WASHC2C: variants seen among roughly 807,000 people sequenced by gnomAD.
WASHC2C encodes Vaccinia Penetration Factor.
In WASHC2C, 73 loss-of-function variants were observed where a neutral mutation model predicts 142.2. That is an observed-to-expected ratio of 0.51 (90% CI 0.43 to 0.62). WASHC2C has a LOEUF of 0.62. Ranked by LOEUF, WASHC2C falls within the 20% of genes least tolerant of loss-of-function variation. WASHC2C has a pLI of 0.00. For synonymous variants in WASHC2C, 337 were observed against 565.5 expected (o/e 0.60, Z 5.73); for missense variants, 969 against 1,531.7 (o/e 0.63, Z 6.13).
intron 8 of WASHC2C, among the ~76,000 whole-genome samples, chr10:45,748,783 G>A (rs1343180778): frequency 1.3e-5 from 2 of 152,048 alleles, no homozygotes; most frequent in Non-Finnish European, 2.9e-5. Flanking sequence ...ATACATAGTA[G>A]TGTGTACCTT....
intron 8 of WASHC2C, among the ~76,000 whole-genome samples, chr10:45,749,245 C>T (rs34183466): frequency 1.3e-5 from 2 of 151,678 alleles, no homozygotes; most frequent in Non-Finnish European, 2.9e-5. Flanking sequence ...GACCAGCCTG[C>T]CCAACATGGT....
chr10:45,743,528 T>C lies in WASHC2C; in HGVS notation c.622+45T>C, dbSNP rs369067302. The C allele has an allele frequency of 1.4e-4, 223 of 1,599,952 alleles. 2 individuals carry two copies. The African/African-American group carries it at 2.8e-3, about 20-fold the overall frequency. On this transcript the variant is annotated intron_variant, in intron 6 of 30. Transcript: ENST00000623400. The stretch of plus-strand genomic sequence containing the variant: ...AATTTTATTCCTTAACATTTCTTTT[T>C]TATTTTAAAATAATTTCAAATTTTA...
chr10:45,784,394 T>A (rs1158318606), intron 23 of WASHC2C, among the ~76,000 whole-genome samples, 171 bp from the exon 24 acceptor site: 5 of 142,532 alleles, frequency 3.5e-5, no homozygotes, highest in Non-Finnish European at 7.6e-5. Flanking sequence ...AGCATTCCAT[T>A]TTGTCAATGT....
At position 45,727,441 on chromosome 10, in the gene WASHC2C, G is replaced by C. The variant is rs752355779; in HGVS notation, c.28G>C (p.Glu10Gln). The change falls in exon 2 of 31, where the codon GAG (glutamate) becomes CAG (glutamine). Residue 10 changes from glutamate (E) to glutamine (Q), a missense_variant. Transcript: ENST00000623400. ...GATGAACCGGACGACCCCCGACCAG[G>C]AGCTGGTGCCGGCGTCGGAGCCCGT... is the stretch of plus-strand genomic sequence containing the variant. The part of the protein sequence containing the change: MMNRTTPDQ[E>Q]LVPASEPVWE... 1 of 1,611,342 alleles carries C rather than the reference G, an allele frequency of 6.2e-7. No homozygotes were observed. The highest frequency in any genetic ancestry group is 1.3e-5 in the African/African-American group (1 of 74,858).
intron 23 of WASHC2C, among the ~76,000 whole-genome samples, chr10:45,783,848 A>G (rs1450595686): frequency 3.3e-5 from 5 of 152,186 alleles, no homozygotes; most frequent in Admixed American, 3.3e-4. Context: ...TTATCAAACC[A>G]ATAATGTTGA....
chr10:45,728,222 G>T (rs1301617975), intron 2 of WASHC2C, among the ~76,000 whole-genome samples: 1 of 152,056 alleles, frequency 6.6e-6, no homozygotes, highest in African/African-American at 2.4e-5. Flanking sequence ...AGAGATGGGG[G>T]TCTTGCTATG....
intron 20 of WASHC2C, chr10:45,771,894 C>T (rs2056623989): frequency 1.3e-6 from 1 of 785,544 alleles, no homozygotes; most frequent in African/African-American, 1.9e-5. Context: ...AGTTTCATTC[C>T]TATGTATATA....
At chr10:45,768,227 G>A (rs1207356500) in intron 19 of WASHC2C, among the ~76,000 whole-genome samples, 11 of 104,710 alleles carry the variant, frequency 1.1e-4, no homozygotes, top group Middle Eastern at 6.3e-3. Flanking sequence ...ACTCTGTCTC[G>A]AAAAAGGAAA....
chr10:45,785,214 G>A (rs1428185657), intron 25 of WASHC2C, among the ~76,000 whole-genome samples: 1 of 152,108 alleles, frequency 6.6e-6, no homozygotes, highest in Admixed American at 6.5e-5. Flanking sequence ...CTAAATATTC[G>A]TGCCTTTCAG....
At position 45,752,186 on chromosome 10, in the gene WASHC2C, T is replaced by G. The variant is rs373594541; in HGVS notation, c.1004-402T>G. On this transcript the variant is annotated intron_variant, in intron 11 of 30. Transcript: ENST00000623400. ...CCAGGCCTTTTCCTGCAAACAGCCA[T>G]GTCGATTACATTAGACTTGTCCCTG... 6.6e-5 allele frequency among the ~76,000 whole-genome samples: 10 copies of G among 152,364 alleles called. 1 individual carries two copies. In the East Asian group the frequency reaches 1.2e-3, roughly 18 times the overall value.
chr10:45,789,619 A>T, intron 29 of WASHC2C, 128 bp downstream of exon 29: 1 of 1,471,672 alleles, frequency 6.8e-7, no homozygotes, highest in African/African-American at 1.4e-5. Context: ...TAGTAATTAT[A>T]ATTAGGCTCT....
intron 10 of WASHC2C, 137 bp from the exon 11 acceptor site, chr10:45,751,345 G>T (rs1162537305): frequency 6.4e-6 from 7 of 1,091,910 alleles, no homozygotes; most frequent in South Asian, 1.5e-5. Flanking sequence ...GGAGTTCAGT[G>T]CTCTGGTGCA....
chr10:45,742,092 G>A (rs1323900637), intron 5 of WASHC2C, among the ~76,000 whole-genome samples: 5 of 151,512 alleles, frequency 3.3e-5, no homozygotes, highest in East Asian at 1.9e-4. Flanking sequence ...TACTGCAACC[G>A]ACCAACCCTA....
At chr10:45,765,471 G>A (rs1253221134) in intron 18 of WASHC2C, among the ~76,000 whole-genome samples, 3 of 148,528 alleles carry the variant, frequency 2.0e-5, no homozygotes, top group Non-Finnish European at 4.5e-5. Flanking sequence ...TTCTGCCTTC[G>A]AGTTCTATGG....
chr10:45,777,453 T>C, intron 22 of WASHC2C, 28 bp downstream of exon 22: 2 of 1,611,902 alleles, frequency 1.2e-6, no homozygotes, highest in Non-Finnish European at 1.7e-6. Flanking sequence ...TATACTTGAA[T>C]GCATTTGTCT....
rs782778449 is a variant in WASHC2C, at chr10:45,752,625, C to T, written c.1041C>T (p.Thr347=). ...EDNLFAPPKL[T]DEDFSPFGSG... is the part of the protein sequence containing the mutation. ...ACTTATTCGCACCCCCCAAGCTGAC[C>T]GACGAGGACTTCTCGCCATTTGGCT... is the stretch of plus-strand genomic sequence containing the variant. The change falls in exon 12 of 31, where the codon ACC becomes ACT. Residue 347 remains threonine (T), a synonymous_variant. Transcript: ENST00000623400. 18 of 1,609,666 alleles carry T rather than the reference C, an allele frequency of 1.1e-5. No homozygotes were observed. The highest frequency in any genetic ancestry group is 1.7e-5 in the Admixed American group (1 of 59,912).
At chr10:45,779,757 TG>T (rs1397742194) in intron 23 of WASHC2C, among the ~76,000 whole-genome samples, 1 of 151,986 alleles carries the variant, frequency 6.6e-6, no homozygotes, top group Non-Finnish European at 1.5e-5. Context: ...GAGGCCAAGG[TG>T]GGTGGATCAC....
intron 19 of WASHC2C, among the ~76,000 whole-genome samples, chr10:45,769,187 C>G (rs1407508979): frequency 6.6e-6 from 1 of 151,894 alleles, no homozygotes. Context: ...GCACGATCTC[C>G]GTTCACTGCA....
intron 18 of WASHC2C, among the ~76,000 whole-genome samples, chr10:45,764,612 C>T (rs2055562842): frequency 1.3e-5 from 2 of 151,968 alleles, no homozygotes; most frequent in South Asian, 4.2e-4. Context: ...AACCTTAACT[C>T]TCATGCAGTA....
Sources: gnomAD v4.1 joint callset for allele counts (sites outside exome capture counted in the v4.1 genomes callset) on GRCh38, gnomAD v4.1.1 for gene constraint, MANE v1.5 for transcripts, NCBI Gene and HGNC (gene_info 2026-07-23, HGNC 2026-07-21) for gene names.